The following TCF20 variants were observed in gnomAD, a reference collection of about 807,000 sequenced individuals.
TCF20 encodes SPRE-binding protein.
In TCF20, 3 loss-of-function variants were observed where a neutral mutation model predicts 148.6. The observed-to-expected ratio is 0.02, with a 90% CI of 0.01 to 0.05. The LOEUF is 0.05. Ranked by LOEUF, TCF20 falls within the 10% of genes least tolerant of loss-of-function variation. The probability of loss-of-function intolerance (pLI) is 1.00; values close to 1 mark genes in which losing one functional copy is unlikely to be tolerated. For synonymous variants in TCF20, 1,049 were observed against 909.5 expected (o/e 1.15, Z -2.76); for missense variants, 2,350 against 2,429.3 (o/e 0.97, Z 0.69).
chr22:42,261,402 A>G (rs1926020905), intron 1 of TCF20, among the ~76,000 whole-genome samples: 1 of 152,210 alleles, frequency 6.6e-6, no homozygotes, highest in Non-Finnish European at 1.5e-5. Flanking sequence ...AGAAACTGCC[A>G]GTTTTCCAAA....
At chr22:42,330,424 T>C (rs1927953049) in intron 1 of TCF20, among the ~76,000 whole-genome samples, 1 of 152,132 alleles carries the variant, frequency 6.6e-6, no homozygotes, top group Non-Finnish European at 1.5e-5. Flanking sequence ...CTGTTCCTCC[T>C]GCCTGCAACA....
chr22:42,161,247 T>G lies in TCF20; in HGVS notation c.*156A>C, dbSNP rs562918057. On this transcript the variant is annotated 3_prime_UTR_variant, in exon 6 of 6. Transcript: ENST00000677622. The stretch of plus-strand genomic sequence containing the variant: ...GTGAGAACTTAAGGAAGTGCTGGCA[T>G]GGGCAGGCACGCGGGCGGGGCGGGG... The G allele has an allele frequency of 3.1e-4, 410 of 1,341,056 alleles. No individual in the cohort carries two copies. In the African/African-American group the frequency reaches 6.2e-3, roughly 20 times the overall value. The allele number at this position is 1,341,056 out of a possible 1,614,324, so 83.1% of individuals were successfully genotyped here. A position where few individuals can be genotyped will look rare whatever the true frequency, so the allele number is the denominator to read the frequency against.
At chr22:42,268,678 A>C (rs1457326429) in intron 1 of TCF20, among the ~76,000 whole-genome samples, 2 of 152,176 alleles carry the variant, frequency 1.3e-5, no homozygotes, top group Non-Finnish European at 2.9e-5. Context: ...TTATCCACAC[A>C]TTTTCCAAGT....
chr22:42,246,276 C>A (rs1924896449), intron 1 of TCF20, among the ~76,000 whole-genome samples: 1 of 152,044 alleles, frequency 6.6e-6, no homozygotes, highest in Non-Finnish European at 1.5e-5. Context: ...AGCTAACTTT[C>A]GTATTTTTGG....
rs576403945 is a variant in TCF20, at chr22:42,234,127, C to T, written c.-36-18786G>A. ...AATTCAAAATGCTCTTAACTGACCACATCCTAATTTACGAGCAGAAGTCGA... is the reference window on the plus strand; with the variant it reads ...AATTCAAAATGCTCTTAACTGACCATATCCTAATTTACGAGCAGAAGTCGA... On this transcript the variant is annotated intron_variant, in intron 1 of 5. Transcript: ENST00000677622. 2.0e-5 allele frequency among the ~76,000 whole-genome samples: 3 copies of T among 152,306 alleles called. No individual in the cohort carries two copies. In the South Asian group the frequency reaches 6.2e-4, roughly 32 times the overall value.
chr22:42,251,837 A>AT (rs939432812), intron 1 of TCF20, among the ~76,000 whole-genome samples: 7 of 151,710 alleles, frequency 4.6e-5, no homozygotes, highest in African/African-American at 1.7e-4. Flanking sequence ...TTTTAAAATT[A>AT]TTTTTTCCAG....
intron 1 of TCF20, among the ~76,000 whole-genome samples, chr22:42,254,329 C>T (rs1448802826): frequency 6.6e-6 from 1 of 152,032 alleles, no homozygotes; most frequent in Non-Finnish European, 1.5e-5. Context: ...TTCTTTGTTT[C>T]TATAATCCAA....
At chr22:42,333,011 T>C (rs527744528) in intron 1 of TCF20, among the ~76,000 whole-genome samples, 13 of 152,342 alleles carry the variant, frequency 8.5e-5, no homozygotes, top group African/African-American at 2.9e-4. Flanking sequence ...CAGCTACCTA[T>C]AGCTGTACAC....
chr22:42,263,403 G>A (rs1033910313), intron 1 of TCF20, among the ~76,000 whole-genome samples: 1 of 152,160 alleles, frequency 6.6e-6, no homozygotes, highest in Non-Finnish European at 1.5e-5. Context: ...GACTCTCAAA[G>A]TAGTGCTTCA....
At chr22:42,285,487 C>T (rs935603518), upstream of TCF20, among the ~76,000 whole-genome samples, 3 of 152,052 alleles carry the variant, frequency 2.0e-5, no homozygotes, top group Non-Finnish European at 4.4e-5. This position sits in a 1 kb window ranked among gnomAD's most constrained non-coding sequence, Gnocchi z 4.2. Context: ...CATTTAGGAC[C>T]TAACATGGTA....
intron 1 of TCF20, among the ~76,000 whole-genome samples, chr22:42,244,895 C>T (rs1369328206): frequency 2.7e-5 from 4 of 150,804 alleles, no homozygotes; most frequent in Non-Finnish European, 5.9e-5. Flanking sequence ...GCCTGGACAA[C>T]ATGGCGAAAC....
chr22:42,295,560 C>T (rs1927219983), intron 1 of TCF20, among the ~76,000 whole-genome samples: 1 of 151,878 alleles, frequency 6.6e-6, no homozygotes, highest in Admixed American at 6.6e-5. Context: ...TCTCCTGCCT[C>T]AGCCTCCTGA....
At chr22:42,327,177 G>A (rs1434546150) in intron 1 of TCF20, among the ~76,000 whole-genome samples, 2 of 152,360 alleles carry the variant, frequency 1.3e-5, no homozygotes, top group African/African-American at 2.4e-5. Context: ...CCCCAGGGCT[G>A]AGTCTGGAGG....
intron 1 of TCF20, among the ~76,000 whole-genome samples, chr22:42,229,764 G>T (rs914687626): frequency 6.6e-6 from 1 of 152,176 alleles, no homozygotes; most frequent in African/African-American, 2.4e-5. Context: ...CCTCACTGAA[G>T]GCTTCAGGAA....
intron 1 of TCF20, among the ~76,000 whole-genome samples, chr22:42,335,750 G>A (rs1046853099): frequency 4.6e-5 from 7 of 152,166 alleles, no homozygotes; most frequent in Admixed American, 1.3e-4. Flanking sequence ...AGCACAGGAC[G>A]TGAGACTAGG....
chr22:42,249,630 A>G (rs1355151290), intron 1 of TCF20, among the ~76,000 whole-genome samples: 1 of 152,248 alleles, frequency 6.6e-6, no homozygotes, highest in Non-Finnish European at 1.5e-5. Context: ...TAGACAGTAT[A>G]TACTTACAAA....
upstream of TCF20, among the ~76,000 whole-genome samples, chr22:42,287,838 T>C (rs73433522): frequency 0.029 from 4,464 of 151,810 alleles, 228 homozygotes; most frequent in African/African-American, 0.1. Flanking sequence ...CGTGGTGAGT[T>C]GCATGGAAGT....
chr22:42,283,196 C>A (rs1245489015), intron 1 of TCF20, among the ~76,000 whole-genome samples: 1 of 152,266 alleles, frequency 6.6e-6, no homozygotes, highest in Non-Finnish European at 1.5e-5. Flanking sequence ...GTGCCCATCG[C>A]CCAACTCGCA....
At chr22:42,271,478 G>A (rs1190934255), upstream of TCF20, among the ~76,000 whole-genome samples, 2 of 152,254 alleles carry the variant, frequency 1.3e-5, no homozygotes, top group East Asian at 3.8e-4. Context: ...AGCAAAGGAA[G>A]GGCTTGACTT....
Sources: gnomAD v4.1 joint callset for allele counts (sites outside exome capture counted in the v4.1 genomes callset) on GRCh38, gnomAD v4.1.1 for gene constraint, Gnocchi (gnomAD v3.1) non-coding constraint, MANE v1.5 for transcripts, NCBI Gene and HGNC (gene_info 2026-07-23, HGNC 2026-07-21) for gene names.